PRPF4: variants seen among roughly 807,000 people sequenced by gnomAD.
The protein encoded by PRPF4 is pre-mRNA splicing tri-snRNP complex factor PRPF4.
PRPF4 carries 14 observed loss-of-function variants against 72.2 expected under a neutral mutation model. The ratio of observed to expected loss-of-function variants is 0.19; its 90% CI spans 0.13 to 0.30. The LOEUF is 0.30. Ranked by LOEUF, PRPF4 falls within the 10% of genes least tolerant of loss-of-function variation. The probability of loss-of-function intolerance (pLI) is 1.00; values close to 1 mark genes in which losing one functional copy is unlikely to be tolerated. For missense variants in PRPF4, 478 were observed against 653.9 expected (o/e 0.73, Z 2.93); for synonymous variants, 225 against 232.2 (o/e 0.97, Z 0.28).
intron 7 of PRPF4, among the ~76,000 whole-genome samples, chr9:113,285,402 G>A (rs1453702341): frequency 1.1e-5 from 1 of 91,448 alleles, no homozygotes; most frequent in Non-Finnish European, 2.1e-5. Context: ...TTTTTGAGAC[G>A]GAGTGTCACA....
chr9:113,283,627 C>A, intron 6 of PRPF4, 145 bp downstream of exon 6: 1 of 761,646 alleles, frequency 1.3e-6, no homozygotes, highest in Non-Finnish European at 2.1e-6. Context: ...ATGGAAGGAG[C>A]CATCAGTTAA....
intron 9 of PRPF4, among the ~76,000 whole-genome samples, chr9:113,287,814 G>A (rs113521298): frequency 1.3e-5 from 2 of 152,280 alleles, no homozygotes; most frequent in African/African-American, 4.8e-5. Flanking sequence ...TGGTTGCTGG[G>A]TAGCAGAATT....
At chr9:113,276,179 G>C (rs569188313) in intron 1 of PRPF4, among the ~76,000 whole-genome samples, 1 of 152,288 alleles carries the variant, frequency 6.6e-6, no homozygotes, top group South Asian at 2.1e-4. Context: ...TTAGCACCGC[G>C]TTGGTTATTT....
At position 113,282,753 on chromosome 9, in the gene PRPF4, TC is replaced by T. The variant is rs1832319985; in HGVS notation, c.480+21del. ...GAAGAGGTAGAACATGTCTTTAACT[TC>T]ACAGTATAAACATGAAGGAAATGAG... is the stretch of plus-strand genomic sequence containing the variant. On this transcript the variant is annotated intron_variant, in intron 4 of 13. Transcript: ENST00000374198. The T allele has an allele frequency of 6.5e-7, 1 of 1,548,216 alleles. No individual in the cohort carries two copies. Among genetic ancestry groups the T allele is most frequent in the Admixed American group, 1.7e-5 (1 of 58,324 alleles).
chr9:113,276,846 C>T (rs1832115978), intron 2 of PRPF4, 121 bp downstream of exon 2: 6 of 1,143,796 alleles, frequency 5.2e-6, no homozygotes, highest in Non-Finnish European at 6.1e-6. Context: ...AACAGAGTCT[C>T]GCTCTGTCGC....
chr9:113,287,607 T>G (rs958560200), intron 9 of PRPF4, among the ~76,000 whole-genome samples: 2 of 152,228 alleles, frequency 1.3e-5, no homozygotes, highest in African/African-American at 4.8e-5. Flanking sequence ...GAGAGCTAAT[T>G]AATGTCTTCA....
chr9:113,279,580 G>C (rs1023769788), intron 3 of PRPF4, among the ~76,000 whole-genome samples: 2 of 151,942 alleles, frequency 1.3e-5, no homozygotes, highest in Non-Finnish European at 2.9e-5. Context: ...GTAGAGACAG[G>C]GTTTCACCAT....
rs10122180 is a variant in PRPF4, at chr9:113,275,898, A to G, written c.27+128A>G. On this transcript the variant is annotated intron_variant, in intron 1 of 13. Transcript: ENST00000374198. ...GCTGAGGAGGAAGGCTGCGGGACTC[A>G]GCGGTGTCCTACACAGCGGACCACC... 22,349 of 1,311,724 alleles carry G rather than the reference A, an allele frequency of 0.017. 2,554 individuals are homozygous for G. The African/African-American group carries it at 0.27, about 16-fold the overall frequency. 81.3% of individuals were successfully genotyped at this position (1,311,724 alleles called of 1,614,324 possible).
rs563322860 is a variant in PRPF4 at position 113,285,591 on chromosome 9, G to C, written c.750-641G>C. On this transcript the variant is annotated intron_variant, in intron 7 of 13. Transcript: ENST00000374198. Reference sequence around the variant, plus strand: ...GACAGGGTTTCACCGTGTTAGCCAGGATGGGCTCGATCTCCTGACCTTGTG... The same window carrying C: ...GACAGGGTTTCACCGTGTTAGCCAGCATGGGCTCGATCTCCTGACCTTGTG... 3.3e-5 allele frequency among the ~76,000 whole-genome samples: 5 copies of C among 151,542 alleles called. No individual in the cohort carries two copies. In the South Asian group the frequency reaches 1.0e-3, roughly 32 times the overall value.
intron 3 of PRPF4, among the ~76,000 whole-genome samples, chr9:113,280,819 T>A (rs111582228): frequency 0.021 from 3,180 of 152,272 alleles, 120 homozygotes; most frequent in African/African-American, 0.072. Context: ...TTCTTCTGTC[T>A]TGTCTTTTAG....
intron 3 of PRPF4, among the ~76,000 whole-genome samples, chr9:113,282,079 G>C (rs554650537): frequency 4.7e-4 from 71 of 152,292 alleles, no homozygotes; most frequent in African/African-American, 1.7e-3. Context: ...ACTGTATAGA[G>C]TAATTGCTTA....
At position 113,283,191 on chromosome 9, in the gene PRPF4, T is replaced by G. The variant is rs2118613232; in HGVS notation, c.540T>G (p.Ile180Met). ...PNSLKVARLW[I>M]ANYSLPRAMK... is the part of the protein sequence containing the mutation. ...GCTTGAAGGTGGCAAGACTATGGAT[T>G]GCTAATTATTCGTTGCCCAGGTAAA... Residue 180 changes from isoleucine (I) to methionine (M), a missense_variant, in exon 5 of 14, where the codon ATT (isoleucine) becomes ATG (methionine). Transcript: ENST00000374198. The G allele has an allele frequency of 1.9e-6, 3 of 1,614,230 alleles. No homozygotes were observed. The African/African-American group carries it at 4.0e-5, about 22-fold the overall frequency.
Position 113,286,703 on chromosome 9 carries a change from A to G in PRPF4, c.809-2A>G, listed in dbSNP as rs903898654. ...TAACTTGCATCTCTTACACTCCTTT[A>G]GGGCATAACACAAATGTAGGAGCAA... is the stretch of plus-strand genomic sequence containing the variant. On this transcript the variant is annotated splice_acceptor_variant, in intron 8 of 13. Coordinates refer to ENST00000374198, the MANE Select transcript of PRPF4 (RefSeq NM_001244926.2). LOFTEE classifies it high-confidence loss of function. 2 of 1,614,096 alleles carry G rather than the reference A, an allele frequency of 1.2e-6. No homozygotes were observed. The highest frequency in any genetic ancestry group is 1.7e-6 in the Non-Finnish European group (2 of 1,180,032).
At chr9:113,291,386 G>GT in intron 13 of PRPF4, 81 bp from the exon 14 acceptor site, 1 of 1,400,978 alleles carries the variant, frequency 7.1e-7, no homozygotes, top group Admixed American at 2.2e-5. Context: ...AAAATAGTAT[G>GT]TTTTTGCAGA....
Position 113,284,143 on chromosome 9 carries a change from T to C in PRPF4, c.655-152T>C. On this transcript the variant is annotated intron_variant, in intron 6 of 13. Transcript: ENST00000374198. Reference sequence around the variant, plus strand: ...ATAACTTCATTTATCAATGTATGTGTCTTCTAACAGCAGCAACAAAACCAT... The same window carrying C: ...ATAACTTCATTTATCAATGTATGTGCCTTCTAACAGCAGCAACAAAACCAT... The C allele has an allele frequency of 1.9e-5, 11 of 576,350 alleles. No homozygotes were observed. The South Asian group carries it at 2.4e-4, about 12-fold the overall frequency. The allele number at this position is 576,350 out of a possible 1,614,324, so 35.7% of individuals were successfully genotyped here. A position where few individuals can be genotyped will look rare whatever the true frequency, so the allele number is the denominator to read the frequency against.
At chr9:113,286,144 G>A in intron 7 of PRPF4, 88 bp from the exon 8 acceptor site, 1 of 1,409,756 alleles carries the variant, frequency 7.1e-7, no homozygotes, top group South Asian at 1.2e-5. Flanking sequence ...TTGGGGGTGA[G>A]AAGAGATTGT....
intron 9 of PRPF4, among the ~76,000 whole-genome samples, 200 bp downstream of exon 9, chr9:113,287,028 G>T (rs572918053): frequency 1.3e-5 from 2 of 152,194 alleles, no homozygotes; most frequent in South Asian, 4.1e-4. Flanking sequence ...TCCAGCTTGG[G>T]TGACAGAGCA....
intron 2 of PRPF4, 115 bp downstream of exon 2, chr9:113,276,840 G>C: frequency 1.6e-6 from 2 of 1,221,416 alleles, no homozygotes; most frequent in Non-Finnish European, 2.3e-6. Context: ...TTTTTAAACA[G>C]AGTCTCGCTC....
At chr9:113,278,013 A>G (rs1325270538) in intron 2 of PRPF4, among the ~76,000 whole-genome samples, 3 of 152,238 alleles carry the variant, frequency 2.0e-5, no homozygotes, top group East Asian at 1.9e-4. Flanking sequence ...TAAAAGATCA[A>G]TGTATAAATG....
Sources: gnomAD v4.1 joint callset for allele counts (sites outside exome capture counted in the v4.1 genomes callset) on GRCh38, gnomAD v4.1.1 for gene constraint, MANE v1.5 for transcripts, NCBI Gene and HGNC (gene_info 2026-07-23, HGNC 2026-07-21) for gene names.